The following HEPH variants were observed in gnomAD, a reference collection of about 807,000 sequenced individuals.
The protein encoded by HEPH is hephaestin.
Under a neutral mutation model 80.8 loss-of-function variants are expected in HEPH, and 69 were observed. The observed-to-expected ratio is 0.85, with a 90% CI of 0.70 to 1.04. The LOEUF is 1.04. Ranked by LOEUF, HEPH falls within the 50% of genes least tolerant of loss-of-function variation. The pLI is 0.00. For missense variants in HEPH, 1,115 were observed against 891.3 expected (o/e 1.25, Z -3.20); for synonymous variants, 431 against 322.8 (o/e 1.34, Z -3.60).
intron 9 of HEPH, among the ~76,000 whole-genome samples, chrX:66,195,723 T>C (rs2088053710): frequency 8.9e-6 from 1 of 111,770 alleles, no homozygotes; most frequent in African/African-American, 3.2e-5. Flanking sequence ...GAAATTTATT[T>C]ACTTTTTCCT....
intron 13 of HEPH, among the ~76,000 whole-genome samples, chrX:66,204,025 G>A (rs777154658): frequency 9.8e-5 from 11 of 112,065 alleles, no homozygotes; most frequent in South Asian, 7.5e-4. Context: ...ACAAATATGA[G>A]CAATTCAGGG....
At chrX:66,246,173 C>T (rs972049975) in intron 15 of HEPH, among the ~76,000 whole-genome samples, 6 of 111,970 alleles carry the variant, frequency 5.4e-5, no homozygotes, top group Non-Finnish European at 9.4e-5. Context: ...GCCCTGTTGT[C>T]TGGGTGTTTC....
chrX:66,262,670 C>A (rs2091407456), intron 19 of HEPH, among the ~76,000 whole-genome samples: 1 of 111,374 alleles, frequency 9.0e-6, no homozygotes, highest in African/African-American at 3.3e-5. Flanking sequence ...TAGATTATTG[C>A]AACACTCTTG....
At chrX:66,232,174 G>A (rs867619735) in intron 15 of HEPH, among the ~76,000 whole-genome samples, 3 of 111,060 alleles carry the variant, frequency 2.7e-5, no homozygotes, top group South Asian at 3.9e-4. Context: ...GCTGGATTCC[G>A]TTTGCCAGTA....
chrX:66,230,932 C>T (rs1283207781), intron 15 of HEPH, among the ~76,000 whole-genome samples: 2 of 103,726 alleles, frequency 1.9e-5, no homozygotes, highest in African/African-American at 3.5e-5. Flanking sequence ...AATCTTTAAT[C>T]CATCTTGAAT....
chrX:66,234,545 C>T (rs1437211666), intron 15 of HEPH, among the ~76,000 whole-genome samples: 1 of 110,753 alleles, frequency 9.0e-6, no homozygotes, highest in Non-Finnish European at 1.9e-5. Context: ...AGTGTATAAG[C>T]ATTCCCTTTT....
chrX:66,250,190 T>C (rs73525332), intron 15 of HEPH, among the ~76,000 whole-genome samples: 5,883 of 111,271 alleles, frequency 0.053, 419 homozygotes, highest in African/African-American at 0.18. Context: ...AGGCACTATG[T>C]TGTTTTGTTG....
chrX:66,227,838 C>T (rs1319589264), intron 15 of HEPH, among the ~76,000 whole-genome samples: 1 of 111,026 alleles, frequency 9.0e-6, no homozygotes, highest in Non-Finnish European at 1.9e-5. Context: ...GTGATTCCTC[C>T]AGATTTCTTC....
intron 17 of HEPH, among the ~76,000 whole-genome samples, chrX:66,257,214 G>A (rs1224511511): frequency 1.8e-5 from 2 of 111,944 alleles, no homozygotes; most frequent in Admixed American, 9.5e-5. Context: ...TCAAATCAGA[G>A]AAATGGTCCA....
At chrX:66,204,741 C>A (rs1287284670) in intron 13 of HEPH, among the ~76,000 whole-genome samples, 1 of 111,893 alleles carries the variant, frequency 8.9e-6, no homozygotes, top group Non-Finnish European at 1.9e-5. Context: ...ATGTAGAAAT[C>A]AGTTATTTAT....
At chrX:66,170,999 T>C in intron 2 of HEPH, 1 of 335,503 alleles carries the variant, frequency 3.0e-6, no homozygotes, top group Non-Finnish European at 5.3e-6. Flanking sequence ...ATACCCACAA[T>C]GCTTACTTAT....
intron 15 of HEPH, among the ~76,000 whole-genome samples, chrX:66,251,630 G>T (rs1009178246): frequency 1.8e-5 from 2 of 111,226 alleles, no homozygotes; most frequent in African/African-American, 6.5e-5. Context: ...TCAGTCCAGG[G>T]CTCTCTGAGG....
intron 15 of HEPH, among the ~76,000 whole-genome samples, chrX:66,244,990 GA>G (rs1292626081): frequency 1.8e-5 from 2 of 110,007 alleles, no homozygotes; most frequent in African/African-American, 3.3e-5. Flanking sequence ...ATTATGTGTA[GA>G]AAACTTCCAT....
chrX:66,178,075 C>A (rs1029842927), intron 4 of HEPH, among the ~76,000 whole-genome samples: 4 of 111,723 alleles, frequency 3.6e-5, no homozygotes, highest in African/African-American at 1.3e-4. Context: ...GGTATATCTC[C>A]TAATGCTATC....
chrX:66,201,705 G>A (rs1222726338), intron 12 of HEPH, among the ~76,000 whole-genome samples: 3 of 111,682 alleles, frequency 2.7e-5, no homozygotes, highest in African/African-American at 6.5e-5. Flanking sequence ...TGTCTTCAAC[G>A]CTTTAATAAT....
chrX:66,200,288 T>G (rs1175920801), intron 11 of HEPH, among the ~76,000 whole-genome samples: 2 of 92,978 alleles, frequency 2.2e-5, no homozygotes, highest in African/African-American at 1.1e-4. Flanking sequence ...TAGTGGAGAA[T>G]AGTTCAATGT....
At chrX:66,263,806 A>T (rs1486082505) in intron 20 of HEPH, 118 bp downstream of exon 20, 9 of 676,415 alleles carry the variant, frequency 1.3e-5, no homozygotes, top group Non-Finnish European at 2.0e-5. Context: ...ACATCAGCAG[A>T]AAGTATCCTG....
chrX:66,188,294 C>T (rs767564113), intron 4 of HEPH, 65 bp from the exon 5 acceptor site: 2 of 821,227 alleles, frequency 2.4e-6, no homozygotes, highest in African/African-American at 4.2e-5. Context: ...CTTATGAGTA[C>T]CCCTTTCAGC....
At chrX:66,232,402 G>A (rs751497023) in intron 15 of HEPH, among the ~76,000 whole-genome samples, 31 of 111,547 alleles carry the variant, frequency 2.8e-4, no homozygotes, top group Non-Finnish European at 4.7e-4. Flanking sequence ...CCTGTATTTA[G>A]TTTTCTCTTA....
Sources: allele counts gnomAD v4.1 joint callset (sites outside exome capture counted in the v4.1 genomes callset), GRCh38; gene constraint gnomAD v4.1.1; transcripts MANE v1.5; gene names NCBI Gene and HGNC (gene_info 2026-07-23, HGNC 2026-07-21).